RALYL: variants seen among roughly 807,000 people sequenced by gnomAD.
The protein encoded by RALYL is RNA-binding Raly-like protein.
In RALYL, 29 loss-of-function variants were observed where a neutral mutation model predicts 35.1. The ratio of observed to expected loss-of-function variants is 0.83; its 90% confidence interval spans 0.61 to 1.13. The LOEUF (loss-of-function observed/expected upper bound fraction) is 1.13. Among genes scored for constraint, RALYL ranks in the 50% most tolerant of loss-of-function variants. The probability of loss-of-function intolerance (pLI) is 0.00; values close to 1 mark genes in which losing one functional copy is unlikely to be tolerated. For missense variants in RALYL, 359 were observed against 360.4 expected (o/e 1.00, Z 0.03); for synonymous variants, 120 against 127.6 (o/e 0.94, Z 0.40).
chr8:84,233,881 T>A (rs914070020), intron 1 of RALYL, among the ~76,000 whole-genome samples: 5 of 152,212 alleles, frequency 3.3e-5, no homozygotes, highest in African/African-American at 1.2e-4. Flanking sequence ...TTCTATTACC[T>A]TTTGGATGGT....
At chr8:84,774,408 C>T (rs960718677) in intron 2 of RALYL, among the ~76,000 whole-genome samples, 171 bp from the exon 3 acceptor site, 1 of 152,124 alleles carries the variant, frequency 6.6e-6, no homozygotes, top group Non-Finnish European at 1.5e-5. Context: ...TGACATATCC[C>T]AAACAGTGCC....
At chr8:84,395,479 C>G (rs1162539800) in intron 1 of RALYL, among the ~76,000 whole-genome samples, 2 of 151,840 alleles carry the variant, frequency 1.3e-5, no homozygotes, top group African/African-American at 4.8e-5. Context: ...GTAAAGAGTG[C>G]TGATTTGATT....
At chr8:84,611,514 G>A (rs1448693911) in intron 2 of RALYL, among the ~76,000 whole-genome samples, 1 of 152,046 alleles carries the variant, frequency 6.6e-6, no homozygotes, top group Non-Finnish European at 1.5e-5. Flanking sequence ...ATATGCGGGT[G>A]TGTGTTCATA....
chr8:84,839,845 C>T (rs1832827388), intron 4 of RALYL, among the ~76,000 whole-genome samples: 1 of 152,182 alleles, frequency 6.6e-6, no homozygotes, highest in African/African-American at 2.4e-5. Context: ...ACTGCTGATG[C>T]CCAGGCAAAC....
intron 2 of RALYL, among the ~76,000 whole-genome samples, chr8:84,753,930 A>G (rs1810708251): frequency 6.6e-6 from 1 of 152,078 alleles, no homozygotes; most frequent in Admixed American, 6.6e-5. Flanking sequence ...GGCTGCATAA[A>G]TGTCTTCTTT....
At chr8:84,207,230 T>A (rs1818265839) in intron 1 of RALYL, among the ~76,000 whole-genome samples, 1 of 152,180 alleles carries the variant, frequency 6.6e-6, no homozygotes, top group East Asian at 1.9e-4. Context: ...ATTGCAGCAT[T>A]ATTTACAATA....
At position 84,921,378 on chromosome 8, in the gene RALYL, A is replaced by G. The variant is rs1849291125; in HGVS notation, c.*467A>G. ...AGTTTTTATAATTTATTTATAATTT[A>G]TAGTTTAAAGTACTTCAGATCATAA... On this transcript the variant is annotated 3_prime_UTR_variant, in exon 9 of 9. Transcript: ENST00000521268. 1 of 152,234 alleles carries G rather than the reference A, an allele frequency of 6.6e-6. No individual in the cohort carries two copies. The highest frequency in any genetic ancestry group is 1.5e-5 in the Non-Finnish European group (1 of 68,066). 9.4% of individuals were successfully genotyped at this position (152,234 alleles called of 1,614,324 possible).
At chr8:84,910,640 T>C (rs543703094) in intron 8 of RALYL, among the ~76,000 whole-genome samples, 17 of 152,168 alleles carry the variant, frequency 1.1e-4, no homozygotes, top group East Asian at 9.7e-4. Flanking sequence ...CACTTGAAAA[T>C]GCTCTTTATA....
chr8:84,527,824 T>C (rs2059009373), intron 1 of RALYL, among the ~76,000 whole-genome samples: 1 of 152,196 alleles, frequency 6.6e-6, no homozygotes, highest in East Asian at 1.9e-4. Flanking sequence ...GTTTTACTCT[T>C]AATTTTTATG....
At chr8:84,426,919 T>A (rs998510880) in intron 1 of RALYL, among the ~76,000 whole-genome samples, 2 of 152,200 alleles carry the variant, frequency 1.3e-5, no homozygotes, top group Non-Finnish European at 1.5e-5. Flanking sequence ...AAATTAAAAA[T>A]GGAACTACCA....
intron 1 of RALYL, among the ~76,000 whole-genome samples, chr8:84,269,501 T>G (rs1833912304): frequency 6.6e-6 from 1 of 152,216 alleles, no homozygotes; most frequent in Non-Finnish European, 1.5e-5. Context: ...GGCTCTCTGT[T>G]CTTTCAGTTT....
chr8:84,279,597 G>C (rs1836141373), intron 1 of RALYL, among the ~76,000 whole-genome samples: 1 of 152,184 alleles, frequency 6.6e-6, no homozygotes, highest in Non-Finnish European at 1.5e-5. Context: ...CTGGAGTCCA[G>C]AAGTCTAAAG....
intron 2 of RALYL, among the ~76,000 whole-genome samples, chr8:84,550,002 T>G (rs970096419): frequency 6.6e-6 from 1 of 152,162 alleles, no homozygotes; most frequent in Admixed American, 6.6e-5. Flanking sequence ...ACTCTCTACA[T>G]ACACTTTAGC....
chr8:84,876,632 A>C (rs928791799), intron 7 of RALYL, among the ~76,000 whole-genome samples: 2 of 152,206 alleles, frequency 1.3e-5, no homozygotes, highest in Non-Finnish European at 1.5e-5. Flanking sequence ...TTTTTTAAAA[A>C]ATTACATTTC....
chr8:84,626,419 T>G (rs1041597835), intron 2 of RALYL, among the ~76,000 whole-genome samples: 1 of 152,134 alleles, frequency 6.6e-6, no homozygotes, highest in Non-Finnish European at 1.5e-5. Flanking sequence ...CACGATGGAG[T>G]CATTTCTTCA....
intron 1 of RALYL, among the ~76,000 whole-genome samples, chr8:84,528,847 T>C (rs1279666297): frequency 6.6e-6 from 1 of 152,168 alleles, no homozygotes; most frequent in East Asian, 1.9e-4. Flanking sequence ...ACAGTATGTC[T>C]ACCTATTACA....
Position 84,692,871 on chromosome 8 carries a change from A to G in RALYL, c.257-81708A>G, listed in dbSNP as rs76559688. ...AGAATCAAAGTAAGAAAAGGGAGAC[A>G]TGGTAATGGATCCACGAAGTGGGAT... On this transcript the variant is annotated intron_variant, in intron 2 of 8. Transcript: ENST00000521268. Among the ~76,000 whole-genome samples, 1,093 of 152,106 alleles carry G rather than the reference A, an allele frequency of 7.2e-3. 9 individuals carry two copies. Among genetic ancestry groups the G allele is most frequent in the African/African-American group, 0.025 (1,022 of 41,542 alleles).
chr8:84,407,225 G>T (rs1009785106), intron 1 of RALYL, among the ~76,000 whole-genome samples: 4 of 152,024 alleles, frequency 2.6e-5, no homozygotes, highest in East Asian at 1.9e-4. Context: ...TAAATGGCAC[G>T]CAAAAGAGTG....
At chr8:84,631,109 T>G (rs770053817) in intron 2 of RALYL, among the ~76,000 whole-genome samples, 29 of 152,012 alleles carry the variant, frequency 1.9e-4, no homozygotes, top group Non-Finnish European at 3.5e-4. Flanking sequence ...CCCTATTTCA[T>G]GTTTTGATAG....
Sources: gnomAD v4.1 joint callset for allele counts (sites outside exome capture counted in the v4.1 genomes callset) on GRCh38, gnomAD v4.1.1 for gene constraint, MANE v1.5 for transcripts, NCBI Gene and HGNC (gene_info 2026-07-23, HGNC 2026-07-21) for gene names.